SLC2A13: variants seen among roughly 807,000 people sequenced by gnomAD.
SLC2A13 encodes the protein solute carrier family 2 member 13, also known as proton myo-inositol cotransporter.
Under a neutral mutation model 64.4 loss-of-function variants are expected in SLC2A13, and 32 were observed. The ratio of observed to expected loss-of-function variants is 0.50; its 90% CI spans 0.37 to 0.67. SLC2A13 has a LOEUF of 0.67. SLC2A13 is among the 30% of genes least tolerant of loss of function. The pLI, the probability that SLC2A13 is intolerant of heterozygous loss-of-function variation, is 0.00. For missense variants in SLC2A13, 743 were observed against 829.2 expected (o/e 0.90, Z 1.28); for synonymous variants, 338 against 327.1 (o/e 1.03, Z -0.36).
rs1425681416 is a variant in SLC2A13 at position 39,791,217 on chromosome 12, C to T, written c.1446-26359G>A. ...CTCAATAAATTAGGTATTGATGGGA[C>T]ATATTTCAAAATAATAAGAGCTATC... is the stretch of plus-strand genomic sequence containing the variant. On this transcript the variant is annotated intron_variant, in intron 7 of 9. Transcript: ENST00000280871. Among the ~76,000 whole-genome samples, 6 of 150,210 alleles carry T rather than the reference C, an allele frequency of 4.0e-5. No individual in the cohort carries two copies. In the East Asian group the frequency reaches 5.9e-4, roughly 15 times the overall value.
intron 1 of SLC2A13, among the ~76,000 whole-genome samples, chr12:40,085,309 GTGT>G (rs1477307065): frequency 6.6e-6 from 1 of 152,142 alleles, no homozygotes; most frequent in Non-Finnish European, 1.5e-5. Flanking sequence ...CCCAAAAAAG[GTGT>G]TGTAAAAACT....
intron 4 of SLC2A13, among the ~76,000 whole-genome samples, chr12:39,917,342 G>C (rs1384494172): frequency 6.6e-6 from 1 of 152,052 alleles, no homozygotes; most frequent in African/African-American, 2.4e-5. Flanking sequence ...AGGGTATTTA[G>C]AACCAAGACA....
chr12:40,000,750 G>A (rs561141242), intron 3 of SLC2A13, among the ~76,000 whole-genome samples: 17 of 152,262 alleles, frequency 1.1e-4, no homozygotes, highest in East Asian at 5.8e-4. Flanking sequence ...AGTGATTAGC[G>A]TTTACTCATA....
intron 1 of SLC2A13, among the ~76,000 whole-genome samples, chr12:40,091,613 G>A (rs1030986204): frequency 6.6e-6 from 1 of 152,062 alleles, no homozygotes; most frequent in African/African-American, 2.4e-5. Flanking sequence ...TATGAACTAC[G>A]AAAATTTCAA....
intron 4 of SLC2A13, among the ~76,000 whole-genome samples, chr12:39,942,771 C>T (rs751650506): frequency 1.3e-5 from 2 of 152,198 alleles, no homozygotes; most frequent in Non-Finnish European, 2.9e-5. Context: ...ATTCATCAAA[C>T]TCATTCTCAG....
intron 7 of SLC2A13, among the ~76,000 whole-genome samples, chr12:39,825,302 C>T (rs553760925): frequency 6.6e-6 from 1 of 152,110 alleles, no homozygotes; most frequent in Admixed American, 6.5e-5. Flanking sequence ...GATAAATAGA[C>T]ACAGATAAAT....
chr12:39,764,973 T>C lies in SLC2A13; in HGVS notation c.1446-115A>G. 6.6e-6 allele frequency: 8 copies of C among 1,216,402 alleles called. No homozygotes were observed. In the South Asian group the frequency reaches 1.3e-4, roughly 20 times the overall value. The allele number at this position is 1,216,402 out of a possible 1,614,324, so 75.4% of individuals were successfully genotyped here. ...TCCTTAATGTCTTAAGAGTCCAAAA[T>C]GTTTTTCTTAAAAAATAAGAACTAA... is the stretch of plus-strand genomic sequence containing the variant. On this transcript the variant is annotated intron_variant, in intron 7 of 9. Transcript: ENST00000280871.
intron 2 of SLC2A13, among the ~76,000 whole-genome samples, chr12:40,031,725 C>T (rs1947908540): frequency 6.6e-6 from 1 of 152,146 alleles, no homozygotes; most frequent in Non-Finnish European, 1.5e-5. Flanking sequence ...GTACAACTAA[C>T]CAATTTCTTT....
At chr12:39,762,163 G>A (rs775374148) in intron 9 of SLC2A13, among the ~76,000 whole-genome samples, 12 of 152,042 alleles carry the variant, frequency 7.9e-5, no homozygotes, top group African/African-American at 1.4e-4. Flanking sequence ...TGGCTAAGTC[G>A]TGGAGGAGTG....
intron 9 of SLC2A13, among the ~76,000 whole-genome samples, chr12:39,760,953 A>AACACACACACACACACACACACACAC (rs71449492): frequency 0.034 from 3,467 of 101,524 alleles, 267 homozygotes; most frequent in African/African-American, 0.072. Context: ...GTCTCTACCA[A>AACACACACACACACACACACACACAC]ACACACACAC....
At chr12:39,761,328 T>C (rs1240737348) in intron 9 of SLC2A13, among the ~76,000 whole-genome samples, 1 of 151,988 alleles carries the variant, frequency 6.6e-6, no homozygotes, top group Non-Finnish European at 1.5e-5. Flanking sequence ...ATCAGGGGCA[T>C]GTATAGGAGA....
At chr12:39,784,151 A>C (rs933121686) in intron 7 of SLC2A13, among the ~76,000 whole-genome samples, 2 of 152,194 alleles carry the variant, frequency 1.3e-5, no homozygotes, top group African/African-American at 2.4e-5. Context: ...TATACTGCCC[A>C]AGGTAATTTA....
At chr12:39,816,088 C>CTGA in intron 7 of SLC2A13, among the ~76,000 whole-genome samples, 1 of 152,282 alleles carries the variant, frequency 6.6e-6, no homozygotes, top group South Asian at 2.1e-4. Flanking sequence ...ATGTTCTGGG[C>CTGA]TGATAGTGAG....
intron 6 of SLC2A13, among the ~76,000 whole-genome samples, chr12:39,834,273 A>G (rs1038440923): frequency 6.6e-6 from 1 of 152,084 alleles, no homozygotes; most frequent in African/African-American, 2.4e-5. Context: ...ACATCTTCTC[A>G]GCAAAAAACT....
intron 4 of SLC2A13, among the ~76,000 whole-genome samples, chr12:39,906,670 A>G (rs1945291763): frequency 6.6e-6 from 1 of 152,164 alleles, no homozygotes; most frequent in South Asian, 2.1e-4. Context: ...GGGTGGAGGC[A>G]GAAAATCTCA....
Position 39,759,333 on chromosome 12 carries a change from A to G in SLC2A13, c.*693T>C, listed in dbSNP as rs932388405. On this transcript the variant is annotated 3_prime_UTR_variant, in exon 10 of 10. Coordinates refer to ENST00000280871, the MANE Select transcript of SLC2A13 (RefSeq NM_052885.4). ...CAAATGTATGCCTTATCACTGATGCAAAAAAAAGAAGTATGAAAACAACCC... is the reference window on the plus strand; with the variant it reads ...CAAATGTATGCCTTATCACTGATGCGAAAAAAAGAAGTATGAAAACAACCC... The G allele has an allele frequency of 2.0e-5, 3 of 151,858 alleles. No individual in the cohort carries two copies. The highest frequency in any genetic ancestry group is 2.4e-5 in the African/African-American group (1 of 41,346). 9.4% of individuals were successfully genotyped at this position (151,858 alleles called of 1,614,324 possible).
At chr12:39,876,560 C>G (rs1944189330) in intron 4 of SLC2A13, among the ~76,000 whole-genome samples, 2 of 151,894 alleles carry the variant, frequency 1.3e-5, no homozygotes, top group African/African-American at 4.8e-5. Flanking sequence ...GATAGACTTA[C>G]TAAATTAAAA....
intron 4 of SLC2A13, among the ~76,000 whole-genome samples, chr12:39,880,809 C>A (rs115701456): frequency 0.011 from 1,607 of 152,302 alleles, 24 homozygotes; most frequent in African/African-American, 0.035. Flanking sequence ...TGTCTCACCT[C>A]GCTCAGCCAC....
intron 2 of SLC2A13, among the ~76,000 whole-genome samples, chr12:40,041,409 C>T (rs1461286132): frequency 6.6e-6 from 1 of 152,168 alleles, no homozygotes. Flanking sequence ...ATTTCCCTCT[C>T]CCTCACTGTA....
Sources: gnomAD v4.1 joint callset for allele counts (sites outside exome capture counted in the v4.1 genomes callset) on GRCh38, gnomAD v4.1.1 for gene constraint, MANE v1.5 for transcripts, NCBI Gene and HGNC (gene_info 2026-07-23, HGNC 2026-07-21) for gene names.